The following FANCD2 variants were observed in gnomAD, a reference collection of about 807,000 sequenced individuals.
The protein encoded by FANCD2 is FA complementation group D2.
In FANCD2, 131 loss-of-function variants were observed where a neutral mutation model predicts 192.3. That is an observed-to-expected ratio of 0.68 (90% CI 0.59 to 0.79). The LOEUF (loss-of-function observed/expected upper bound fraction) is 0.79. FANCD2 is among the 30% of genes least tolerant of loss of function. The pLI, the probability that FANCD2 is intolerant of heterozygous loss-of-function variation, is 0.00. For synonymous variants in FANCD2, 524 were observed against 612.5 expected (o/e 0.86, Z 2.13); for missense variants, 1,508 against 1,701.6 (o/e 0.89, Z 2.00).
rs532765216 is a variant in FANCD2, at chr3:10,036,086, CTTTT to C, written c.439-185_439-182del. Among the ~76,000 whole-genome samples, 14 of 102,574 alleles carry C rather than the reference CTTTT, an allele frequency of 1.4e-4. 1 individual carries two copies. Among genetic ancestry groups the C allele is most frequent in the South Asian group, 6.1e-4 (2 of 3,254 alleles). 67.3% of individuals were successfully genotyped at this position (102,574 alleles called of 152,430 possible). On this transcript the variant is annotated intron_variant, in intron 6 of 43. Coordinates refer to ENST00000675286, the MANE Select transcript of FANCD2 (RefSeq NM_001018115.3). ...TAGTTGGAAAGAGAATTATACATTT[CTTTT>C]TTTTTTTTTTTTTTTGAGTCAGAGT...
intron 18 of FANCD2, among the ~76,000 whole-genome samples, chr3:10,054,403 G>GTA (rs1200296984): frequency 4.7e-4 from 35 of 74,350 alleles, no homozygotes; most frequent in East Asian, 2.1e-3. Flanking sequence ...ATACGTATAT[G>GTA]TATATACGTA....
chr3:10,096,423 A>G lies in FANCD2; in HGVS notation c.4136A>G (p.Asn1379Ser), dbSNP rs1028420175. The stretch of plus-strand genomic sequence containing the variant: ...GTCAAAGCTATGCTCACTCTCAACA[A>G]TTGTAGAGAGGCTTTCTGGCTGGGC... The part of the protein sequence containing the change: ...CRVKAMLTLN[N>S]CREAFWLGNL... The change falls in exon 42 of 44, where the codon AAT becomes AGT. Residue 1379 changes from asparagine to serine, a missense_variant. Physicochemically the swap from Asn to Ser is conservative, Grantham distance 46. Around this residue, in one of 5 missense-constraint regions of FANCD2, gnomAD observed 796 missense variants for 879.4 expected, o/e 0.91. Coordinates refer to ENST00000675286, the MANE Select transcript of FANCD2 (RefSeq NM_001018115.3). The G allele has an allele frequency of 3.7e-6, 6 of 1,614,026 alleles. No individual in the cohort carries two copies. The Admixed American group carries it at 5.0e-5, about 13-fold the overall frequency.
chr3:10,099,412 C>T lies in FANCD2; in HGVS notation c.4281+597C>T, dbSNP rs548255173. On this transcript the variant is annotated intron_variant, in intron 43 of 43. Coordinates refer to ENST00000675286, the MANE Select transcript of FANCD2 (RefSeq NM_001018115.3). Reference sequence around the variant, plus strand: ...CCAAGGTAGGAGGATTGCTTGAGTCCGGGAGCTCAAGGCAAAGCTGCACAA... The same window carrying T: ...CCAAGGTAGGAGGATTGCTTGAGTCTGGGAGCTCAAGGCAAAGCTGCACAA... The T allele has an allele frequency of 7.5e-5, 71 of 940,554 alleles. No homozygotes were observed. The highest frequency in any genetic ancestry group is 7.1e-4 in the African/African-American group (40 of 56,718). 58.3% of individuals were successfully genotyped at this position (940,554 alleles called of 1,614,324 possible).
At chr3:10,077,765 CATACCTGTA>C (rs1693614228) in intron 29 of FANCD2, among the ~76,000 whole-genome samples, 1 of 151,976 alleles carries the variant, frequency 6.6e-6, no homozygotes, top group South Asian at 2.1e-4. Context: ...TGTGGTGGTT[CATACCTGTA>C]ATCCTGGCAT....
In FANCD2 at chr3:10,090,394, G is replaced by T; in HGVS notation, c.3777+9G>T. 1.3e-6 allele frequency: 2 copies of T among 1,500,368 alleles called. No homozygotes were observed. Among genetic ancestry groups the T allele is most frequent in the Non-Finnish European group, 1.8e-6 (2 of 1,100,116 alleles). The allele number at this position is 1,500,368 out of a possible 1,614,324, so 92.9% of individuals were successfully genotyped here. ...CAGCAGACTCGCAGCAGGTGAGTAA[G>T]ATAATAGTCACTTCAAGAAGTGGAC... On this transcript the variant is annotated intron_variant, in intron 37 of 43. Coordinates refer to ENST00000675286, the MANE Select transcript of FANCD2 (RefSeq NM_001018115.3).
In FANCD2 at chr3:10,046,372, G is replaced by A. The variant is rs1319828377; in HGVS notation, c.1135-208G>A. On this transcript the variant is annotated intron_variant, in intron 14 of 43. Transcript: ENST00000675286. ...CTGGCCTGCTCTGTATTCTTAAGGG[G>A]TATCAATGGTTAACAGTTGTGGCAC... The A allele has an allele frequency of 5.6e-6, 4 of 709,926 alleles. No homozygotes were observed. The East Asian group carries it at 1.0e-4, about 18-fold the overall frequency. The allele number at this position is 709,926 out of a possible 1,614,324, so 44.0% of individuals were successfully genotyped here.
At chr3:10,098,972 T>A in intron 43 of FANCD2, 157 bp downstream of exon 43, 1 of 1,614,156 alleles carries the variant, frequency 6.2e-7, no homozygotes, top group Non-Finnish European at 8.5e-7. Context: ...CTTATATAAT[T>A]TTTGGGACCC....
At chr3:10,085,540 C>T (rs1451447226) in intron 32 of FANCD2, among the ~76,000 whole-genome samples, 4 of 151,834 alleles carry the variant, frequency 2.6e-5, no homozygotes, top group South Asian at 2.1e-4. Flanking sequence ...TACAGGTGCC[C>T]GCCACCACAC....
rs752246063 is a variant in FANCD2, at chr3:10,032,898, A to G, written c.131A>G (p.Asn44Ser). The change falls in exon 3 of 44, where the codon AAT (asparagine) becomes AGT (serine). Residue 44 changes from asparagine to serine, a missense_variant. This residue lies in a region of FANCD2 where 435 missense variants were observed against 421.9 expected (regional missense o/e 1.03). Coordinates refer to ENST00000675286, the MANE Select transcript of FANCD2 (RefSeq NM_001018115.3). ...KSHIANEVEE[N>S]DSIFVKLLKI... ...CATATTGCTAATGAAGTTGAAGAAA[A>G]TGACAGCATCTTTGTAAAGCTTCTT... is the stretch of plus-strand genomic sequence containing the variant. 8.1e-6 allele frequency: 13 copies of G among 1,608,214 alleles called. No homozygotes were observed. In the South Asian group the frequency reaches 1.1e-4, roughly 14 times the overall value.
intron 26 of FANCD2, among the ~76,000 whole-genome samples, chr3:10,070,488 G>A (rs113788167): frequency 2.1e-4 from 11 of 52,678 alleles, no homozygotes; most frequent in African/African-American, 7.1e-4. Context: ...CCAGCCTCCC[G>A]GTCCGGGAGG....
At chr3:10,046,309 T>A (rs558373331) in intron 14 of FANCD2, 19 of 398,560 alleles carry the variant, frequency 4.8e-5, no homozygotes, top group East Asian at 2.4e-4. Flanking sequence ...CGCCTTGGCC[T>A]CCCAAAGTGC....
chr3:10,083,047 C>T (rs554166629), intron 32 of FANCD2, among the ~76,000 whole-genome samples: 1 of 152,144 alleles, frequency 6.6e-6, no homozygotes, highest in Admixed American at 6.5e-5. Flanking sequence ...GGAAGCATGG[C>T]AAAACCCTGT....
chr3:10,050,426 C>G (rs917566276), intron 17 of FANCD2, among the ~76,000 whole-genome samples: 1 of 150,778 alleles, frequency 6.6e-6, no homozygotes, highest in Non-Finnish European at 1.5e-5. Flanking sequence ...AGATCAAGAC[C>G]ATCCTGCCTA....
intron 29 of FANCD2, among the ~76,000 whole-genome samples, chr3:10,076,014 A>G (rs1450854350): frequency 6.7e-6 from 1 of 150,162 alleles, no homozygotes; most frequent in Non-Finnish European, 1.5e-5. Context: ...TACAGGTGTG[A>G]GCCACTGCGC....
chr3:10,057,298 T>G (rs2087440571), intron 18 of FANCD2, among the ~76,000 whole-genome samples: 1 of 152,230 alleles, frequency 6.6e-6, no homozygotes. Flanking sequence ...GATAGTGTCC[T>G]TTGATGCACT....
intron 30 of FANCD2, among the ~76,000 whole-genome samples, chr3:10,079,728 T>C (rs1344157565): frequency 6.6e-6 from 1 of 152,124 alleles, no homozygotes; most frequent in Non-Finnish European, 1.5e-5. Flanking sequence ...CATGCCTCAG[T>C]GTAGTAGTAA....
At chr3:10,068,616 C>T (rs1455939713) in intron 26 of FANCD2, among the ~76,000 whole-genome samples, 1 of 151,202 alleles carries the variant, frequency 6.6e-6, no homozygotes, top group Non-Finnish European at 1.5e-5. Flanking sequence ...ATACCAATGA[C>T]ATTCTTCACA....
intron 23 of FANCD2, 114 bp from the exon 24 acceptor site, chr3:10,065,280 C>G: frequency 2.5e-6 from 2 of 789,386 alleles, no homozygotes; most frequent in Non-Finnish European, 4.4e-6. Context: ...CAGAGCAAGA[C>G]TCTGTCTCAA....
At chr3:10,037,969 C>G (rs1211637127) in intron 7 of FANCD2, among the ~76,000 whole-genome samples, 1 of 152,096 alleles carries the variant, frequency 6.6e-6, no homozygotes, top group African/African-American at 2.4e-5. Context: ...TTTTCAGAGT[C>G]CTGATACAGT....
Sources: gnomAD v4.1 joint callset for allele counts (sites outside exome capture counted in the v4.1 genomes callset) on GRCh38, gnomAD v4.1.1 for gene constraint, gnomAD v4.1.1 regional missense constraint, MANE v1.5 for transcripts, NCBI Gene and HGNC (gene_info 2026-07-23, HGNC 2026-07-21) for gene names.